Variants in TBCK observed in about 807,000 individuals in gnomAD.
TBCK encodes TBC domain-containing protein kinase-like protein.
Under a neutral mutation model 113.4 loss-of-function variants are expected in TBCK, and 99 were observed. That is an observed-to-expected ratio of 0.87 (90% CI 0.74 to 1.03). The LOEUF is 1.03. Among genes scored for constraint, TBCK ranks in the 50% least tolerant of loss-of-function variants. The pLI is 0.00. For missense variants in TBCK, 1,045 were observed against 1,061.3 expected, an observed-to-expected ratio of 0.98 and a Z score of 0.21; for synonymous variants, 369 against 370.8, an observed-to-expected ratio of 1.00 and a Z score of 0.05.
At chr4:106,219,989 T>C (rs1431499276) in intron 19 of TBCK, among the ~76,000 whole-genome samples, 2 of 152,238 alleles carry the variant, frequency 1.3e-5, no homozygotes, top group African/African-American at 4.8e-5. Flanking sequence ...ATTTTTAAAG[T>C]TTTTAGCTTT....
intron 19 of TBCK, among the ~76,000 whole-genome samples, chr4:106,223,526 T>C (rs1757929668): frequency 6.6e-6 from 1 of 152,154 alleles, no homozygotes; most frequent in Non-Finnish European, 1.5e-5. Flanking sequence ...TCTAGCTATA[T>C]GTGGTACTAT....
At chr4:106,066,856 C>T (rs778371733) in intron 25 of TBCK, among the ~76,000 whole-genome samples, 3 of 151,968 alleles carry the variant, frequency 2.0e-5, no homozygotes, top group Admixed American at 6.6e-5. Context: ...ATCAGAACTT[C>T]GTGTCTTTTT....
At chr4:106,058,190 A>G (rs1287463546) in intron 25 of TBCK, among the ~76,000 whole-genome samples, 3 of 151,786 alleles carry the variant, frequency 2.0e-5, no homozygotes, top group Non-Finnish European at 2.9e-5. Context: ...GGGGATATGA[A>G]TAAGTAAACA....
At chr4:106,206,764 C>T (rs1022679349) in intron 20 of TBCK, among the ~76,000 whole-genome samples, 1 of 152,064 alleles carries the variant, frequency 6.6e-6, no homozygotes, top group Non-Finnish European at 1.5e-5. Context: ...AGTTTAAACT[C>T]GGCTGAATAT....
At position 106,223,887 on chromosome 4, in the gene TBCK, C is replaced by T. The variant is rs75898110; in HGVS notation, c.1774+6476G>A. Among the ~76,000 whole-genome samples, 585 of 152,192 alleles carry T rather than the reference C, an allele frequency of 3.8e-3. 6 individuals carry two copies. Among genetic ancestry groups the T allele is most frequent in the African/African-American group, 0.013 (540 of 41,562 alleles). On this transcript the variant is annotated intron_variant, in intron 19 of 25. Transcript: ENST00000394708. ...TAATCAACAGATTTCTTTCTAATTC[C>T]TCCATCTTTTTCCATACAATTAATA...
At position 106,236,805 on chromosome 4, in the gene TBCK, A is replaced by G; in HGVS notation, c.1174T>C (p.Leu392=). ...AATGCTTCTCCACCAACATCTTTCA[A>G]TCTCTGTGTATTTAAAGACAAAATA... The part of the protein sequence containing the change: ...TLSLCQLRNR[L]KDVGGEAFYP... The change falls in exon 13 of 26, where the codon TTG becomes CTG. Residue 392 remains leucine (L), a synonymous_variant. Transcript: ENST00000394708. 1.3e-6 allele frequency: 2 copies of G among 1,509,958 alleles called. No individual in the cohort carries two copies. Among genetic ancestry groups the G allele is most frequent in the Non-Finnish European group, 1.8e-6 (2 of 1,125,880 alleles). 93.5% of individuals were successfully genotyped at this position (1,509,958 alleles called of 1,614,324 possible). A position where few individuals can be genotyped will look rare whatever the true frequency, so the allele number is the denominator to read the frequency against.
chr4:106,252,108 A>G (rs1009332388), intron 5 of TBCK, 101 bp from the exon 6 acceptor site: 1 of 918,450 alleles, frequency 1.1e-6, no homozygotes, highest in African/African-American at 1.7e-5. Flanking sequence ...AGTCTCATGC[A>G]ATTAAATTAA....
At chr4:106,244,464 C>T (rs1218390095) in intron 11 of TBCK, among the ~76,000 whole-genome samples, 162 bp downstream of exon 11, 1 of 151,836 alleles carries the variant, frequency 6.6e-6, no homozygotes, top group African/African-American at 2.4e-5. Flanking sequence ...GGTGTTGATT[C>T]CAATTGCTTC....
rs183106315 is a variant in TBCK at position 106,101,662 on chromosome 4, T to A, written c.2412-6021A>T. Among the ~76,000 whole-genome samples the A allele has an allele frequency of 1.1e-3, 161 of 152,268 alleles. 1 individual carries two copies. The highest frequency in any genetic ancestry group is 1.2e-3 in the African/African-American group (49 of 41,550). ...ATAGTTTTAGATACTAACTTTTTTT[T>A]AAAAATCAAAAGGTAAGAGTTTTAC... On this transcript the variant is annotated intron_variant, in intron 24 of 25. Coordinates refer to ENST00000394708, the MANE Select transcript of TBCK (RefSeq NM_001163435.3).
chr4:106,144,921 G>C (rs1490054554), intron 23 of TBCK, among the ~76,000 whole-genome samples: 2 of 151,902 alleles, frequency 1.3e-5, no homozygotes, highest in Admixed American at 6.6e-5. Context: ...TACTCAGGTG[G>C]CTGAGGCAGG....
At chr4:106,275,533 A>ATCCACCAAAAAACTATTT (rs1431579845) in intron 3 of TBCK, among the ~76,000 whole-genome samples, 1 of 152,188 alleles carries the variant, frequency 6.6e-6, no homozygotes, top group African/African-American at 2.4e-5. Flanking sequence ...ATCCTAAGGA[A>ATCCACCAAAAAACTATTT]TCCACCAAAA....
intron 3 of TBCK, among the ~76,000 whole-genome samples, chr4:106,266,231 G>C (rs1394685981): frequency 2.0e-5 from 3 of 151,446 alleles, no homozygotes; most frequent in African/African-American, 7.3e-5. Context: ...AAAAAAAAGA[G>C]AAACATTCCC....
chr4:106,129,511 A>G (rs1397279476), intron 23 of TBCK, among the ~76,000 whole-genome samples: 1 of 152,232 alleles, frequency 6.6e-6, no homozygotes, highest in Non-Finnish European at 1.5e-5. Flanking sequence ...ATGACTTGAA[A>G]CATTTACGTG....
intron 25 of TBCK, among the ~76,000 whole-genome samples, chr4:106,070,503 G>C (rs1737272228): frequency 6.6e-6 from 1 of 152,096 alleles, no homozygotes; most frequent in Non-Finnish European, 1.5e-5. Flanking sequence ...ACTTGATCTT[G>C]GTGGATAAGC....
At chr4:106,094,036 G>C (rs1229972967) in intron 25 of TBCK, among the ~76,000 whole-genome samples, 1 of 152,176 alleles carries the variant, frequency 6.6e-6, no homozygotes, top group Non-Finnish European at 1.5e-5. Flanking sequence ...TATTCCTCTC[G>C]ATTTTGCTCT....
chr4:106,194,452 TTA>T (rs1221205872), intron 21 of TBCK, among the ~76,000 whole-genome samples: 3 of 152,074 alleles, frequency 2.0e-5, no homozygotes, highest in African/African-American at 7.2e-5. Flanking sequence ...TATGTAAATA[TTA>T]TAGTTAATTT....
In TBCK at chr4:106,248,257, T is replaced by G; in HGVS notation, c.770A>C (p.His257Pro). 6.3e-7 allele frequency: 1 copy of G among 1,597,298 alleles called. No homozygotes were observed. The highest frequency in any genetic ancestry group is 8.5e-7 in the Non-Finnish European group (1 of 1,171,884). Reference sequence around the variant, plus strand: ...AAATAATATCAACCTCTTAGAAGGATGGAAGGTAAGGCACTTATTCAAAAG... The same window carrying G: ...AAATAATATCAACCTCTTAGAAGGAGGGAAGGTAAGGCACTTATTCAAAAG... ...IDLLNKCLTF[H>P]PSKRPTPDQL... The change falls in exon 9 of 26, where the codon CAT (histidine) becomes CCT (proline). Residue 257 changes from histidine to proline, a missense_variant. By Grantham distance (77) the His-to-Pro change is moderately conservative. Transcript: ENST00000394708.
At chr4:106,309,469 A>C (rs570226037) in intron 1 of TBCK, among the ~76,000 whole-genome samples, 1 of 151,588 alleles carries the variant, frequency 6.6e-6, no homozygotes, top group Non-Finnish European at 1.5e-5. Context: ...CACCCAGTTA[A>C]CTTTTTGTAT....
At chr4:106,294,737 T>G (rs994770663) in intron 3 of TBCK, among the ~76,000 whole-genome samples, 2 of 151,970 alleles carry the variant, frequency 1.3e-5, no homozygotes, top group African/African-American at 2.4e-5. Flanking sequence ...CGCCTCGGCC[T>G]CCCAAAGTGC....
Sources: allele counts gnomAD v4.1 joint callset (sites outside exome capture counted in the v4.1 genomes callset), GRCh38; gene constraint gnomAD v4.1.1; transcripts MANE v1.5; gene names NCBI Gene and HGNC (gene_info 2026-07-23, HGNC 2026-07-21).